RELN: variants seen among roughly 807,000 people sequenced by gnomAD.
RELN encodes the protein reelin.
Under a neutral mutation model 427.6 loss-of-function variants are expected in RELN, and 108 were observed. The ratio of observed to expected loss-of-function variants is 0.25; its 90% CI spans 0.22 to 0.30. The LOEUF is 0.30. Ranked by LOEUF, RELN falls within the 10% of genes least tolerant of loss-of-function variation. The probability of loss-of-function intolerance (pLI) is 1.00; values close to 1 mark genes in which losing one functional copy is unlikely to be tolerated. For missense variants in RELN, 3,715 were observed against 4,302.8 expected (o/e 0.86, Z 3.82); for synonymous variants, 1,524 against 1,513.4 (o/e 1.01, Z -0.16).
At position 103,988,037 on chromosome 7, in the gene RELN, C is replaced by T. The variant is rs952450996; in HGVS notation, c.226+1094G>A. ...TGCTAGCACCCCGTAGATTATCTCCCGCCATGCCAATGATTGTTAGCCTAT... is the reference window on the plus strand; with the variant it reads ...TGCTAGCACCCCGTAGATTATCTCCTGCCATGCCAATGATTGTTAGCCTAT... On this transcript the variant is annotated intron_variant, in intron 1 of 64. Transcript: ENST00000428762. The surrounding 1 kb of genome is among the most constrained non-coding windows in gnomAD (Gnocchi z 4.9). 6.6e-6 allele frequency among the ~76,000 whole-genome samples: 1 copy of T among 152,080 alleles called. No homozygotes were observed. The highest frequency in any genetic ancestry group is 2.4e-5 in the African/African-American group (1 of 41,388).
chr7:103,777,827 T>G (rs943738265), intron 3 of RELN, among the ~76,000 whole-genome samples: 19 of 151,714 alleles, frequency 1.3e-4, no homozygotes, highest in Non-Finnish European at 1.3e-4. Context: ...TGTTGAAGTG[T>G]TAATGGGTGA....
chr7:103,526,290 A>C (rs1829821070), intron 46 of RELN, among the ~76,000 whole-genome samples: 2 of 152,256 alleles, frequency 1.3e-5, no homozygotes, highest in Non-Finnish European at 2.9e-5. Flanking sequence ...CAATTTGTGC[A>C]ACTCTCTGGC....
chr7:103,984,514 T>C (rs1333679636), intron 1 of RELN, among the ~76,000 whole-genome samples: 3 of 152,204 alleles, frequency 2.0e-5, no homozygotes, highest in Admixed American at 1.3e-4. Context: ...TTGTAAAGAC[T>C]TGATTTTAGT....
At chr7:103,536,068 C>T (rs1584272673) in intron 45 of RELN, among the ~76,000 whole-genome samples, 1 of 152,016 alleles carries the variant, frequency 6.6e-6, no homozygotes, top group East Asian at 1.9e-4. Flanking sequence ...GAATCCTGAC[C>T]AACTAATGTC....
chr7:103,515,094 A>G lies in RELN; in HGVS notation c.8119+91T>C, dbSNP rs1038103101. 7 of 1,519,450 alleles carry G rather than the reference A, an allele frequency of 4.6e-6. No homozygotes were observed. In the African/African-American group the frequency reaches 6.8e-5, roughly 15 times the overall value. The allele number at this position is 1,519,450 out of a possible 1,614,324, so 94.1% of individuals were successfully genotyped here. Reference sequence around the variant, plus strand: ...GTTTCTACACCACTGGAACATCTGAAAAGGTTCCATATTTTGCTCTTTTGA... The same window carrying G: ...GTTTCTACACCACTGGAACATCTGAGAAGGTTCCATATTTTGCTCTTTTGA... On this transcript the variant is annotated intron_variant, in intron 50 of 64. Transcript: ENST00000428762.
At chr7:103,601,126 G>T (rs888709830) in intron 24 of RELN, among the ~76,000 whole-genome samples, 3 of 152,002 alleles carry the variant, frequency 2.0e-5, no homozygotes, top group Admixed American at 6.6e-5. Context: ...GTGTGTGTGT[G>T]TGTGTATGTG....
In RELN at chr7:103,472,649, T is replaced by G; in HGVS notation, c.*163A>C. ...AGCAAATAAGTCACTTGTCATTAGT[T>G]CACAGTGTGGGAAAGTGGTGTACAC... On this transcript the variant is annotated 3_prime_UTR_variant, in exon 65 of 65. Coordinates refer to ENST00000428762, the MANE Select transcript of RELN (RefSeq NM_005045.4). 1.6e-6 allele frequency: 1 copy of G among 637,382 alleles called. No homozygotes were observed. Among genetic ancestry groups the G allele is most frequent in the East Asian group, 2.8e-5 (1 of 35,848 alleles). 39.5% of individuals were successfully genotyped at this position (637,382 alleles called of 1,614,324 possible).
intron 8 of RELN, among the ~76,000 whole-genome samples, chr7:103,708,665 G>A (rs894784046): frequency 2.0e-5 from 3 of 151,670 alleles, no homozygotes; most frequent in South Asian, 2.1e-4. Flanking sequence ...GGGTTTCACC[G>A]TGTTAGCCAA....
intron 28 of RELN, among the ~76,000 whole-genome samples, chr7:103,588,283 T>C (rs1268288591): frequency 1.3e-5 from 2 of 152,116 alleles, no homozygotes; most frequent in African/African-American, 4.8e-5. Flanking sequence ...AAGACAAATA[T>C]TGCATATTCT....
At chr7:103,658,513 C>A (rs1012308673) in intron 12 of RELN, among the ~76,000 whole-genome samples, 3 of 151,930 alleles carry the variant, frequency 2.0e-5, no homozygotes, top group African/African-American at 7.3e-5. Context: ...TCCATCCTAC[C>A]ATAACCTACC....
chr7:103,946,722 G>A (rs896241032), intron 1 of RELN, among the ~76,000 whole-genome samples: 3 of 152,188 alleles, frequency 2.0e-5, no homozygotes, highest in Admixed American at 2.0e-4. Context: ...GGAATCCACA[G>A]TGATCTGTAT....
intron 35 of RELN, 50 bp downstream of exon 35, chr7:103,561,763 T>C (rs762180205): frequency 6.2e-7 from 1 of 1,613,714 alleles, no homozygotes. Context: ...CAACAAGCCA[T>C]ATTTATTTTT....
At chr7:103,873,150 A>T (rs1794392058) in intron 2 of RELN, among the ~76,000 whole-genome samples, 8 of 150,302 alleles carry the variant, frequency 5.3e-5, no homozygotes, top group Admixed American at 1.3e-4. Context: ...ATGTTCTTTG[A>T]AACCAACGAG....
Position 103,770,395 on chromosome 7 carries a change from T to C in RELN, c.544+6162A>G, listed in dbSNP as rs555289539. Among the ~76,000 whole-genome samples the C allele has an allele frequency of 2.0e-5, 3 of 152,282 alleles. No homozygotes were observed. The South Asian group carries it at 6.2e-4, about 32-fold the overall frequency. ...CACCGCGCCCCGCCCAGCCCAAATCTTACAATAACAATTCCTTTTGTAACC... is the reference window on the plus strand; with the variant it reads ...CACCGCGCCCCGCCCAGCCCAAATCCTACAATAACAATTCCTTTTGTAACC... On this transcript the variant is annotated intron_variant, in intron 4 of 64. Transcript: ENST00000428762.
At chr7:103,560,910 A>G (rs1487507035) in intron 36 of RELN, among the ~76,000 whole-genome samples, 1 of 152,206 alleles carries the variant, frequency 6.6e-6, no homozygotes, top group African/African-American at 2.4e-5. Context: ...GGTTTTTGTC[A>G]AAGATTTCAT....
chr7:103,877,543 G>C (rs947228960), intron 2 of RELN, among the ~76,000 whole-genome samples: 3 of 151,982 alleles, frequency 2.0e-5, no homozygotes, highest in Non-Finnish European at 2.9e-5. Flanking sequence ...TTTCTTTCCT[G>C]GATTACTGCT....
chr7:103,916,952 ACACTT>A (rs1225610025), intron 2 of RELN, 118 bp downstream of exon 2: 1 of 802,842 alleles, frequency 1.2e-6, no homozygotes, highest in African/African-American at 1.7e-5. Flanking sequence ...CAAAAACAAA[ACACTT>A]CAGATTATTT....
chr7:103,912,464 G>A (rs189053296), intron 2 of RELN, among the ~76,000 whole-genome samples: 1 of 152,208 alleles, frequency 6.6e-6, no homozygotes. Flanking sequence ...GATTACAGGC[G>A]TGACCCACTG....
chr7:103,668,208 T>G (rs1192776673), intron 11 of RELN, among the ~76,000 whole-genome samples: 2 of 152,164 alleles, frequency 1.3e-5, no homozygotes, highest in African/African-American at 4.8e-5. Context: ...CCAGCCTGGG[T>G]GACAGAGGGA....
Sources: allele counts gnomAD v4.1 joint callset (sites outside exome capture counted in the v4.1 genomes callset), GRCh38; gene constraint gnomAD v4.1.1; non-coding constraint Gnocchi (gnomAD v3.1); transcripts MANE v1.5; gene names NCBI Gene and HGNC (gene_info 2026-07-23, HGNC 2026-07-21).